TJP2: variants seen among roughly 807,000 people sequenced by gnomAD.
The protein encoded by TJP2 is tight junction protein 2, also known as Friedreich ataxia region gene X104 (tight junction protein ZO-2).
TJP2 carries 91 observed loss-of-function variants against 133.1 expected under a neutral mutation model. The ratio of observed to expected loss-of-function variants is 0.68; its 90% CI spans 0.58 to 0.81. TJP2 has a LOEUF of 0.81. Among genes scored for constraint, TJP2 ranks in the 40% least tolerant of loss-of-function variants. The probability of loss-of-function intolerance (pLI) is 0.00; values close to 1 mark genes in which losing one functional copy is unlikely to be tolerated. For missense variants in TJP2, 1,541 were observed against 1,565.6 expected (o/e 0.98, Z 0.26); for synonymous variants, 592 against 583.4 (o/e 1.01, Z -0.21).
intron 1 of TJP2, among the ~76,000 whole-genome samples, chr9:69,150,069 G>C (rs955211759): frequency 1.3e-5 from 2 of 151,952 alleles, no homozygotes; most frequent in African/African-American, 4.8e-5. Flanking sequence ...AAAACTGCTT[G>C]AACCCAGGAG....
At chr9:69,187,044 T>C (rs1210183947) in intron 1 of TJP2, among the ~76,000 whole-genome samples, 1 of 152,222 alleles carries the variant, frequency 6.6e-6, no homozygotes, top group Non-Finnish European at 1.5e-5. Context: ...CTAAGTATCA[T>C]GTTTGTGATG....
chr9:69,168,112 G>T (rs1019179080), intron 2 of TJP2, among the ~76,000 whole-genome samples: 10 of 152,182 alleles, frequency 6.6e-5, no homozygotes, highest in African/African-American at 2.4e-4. Context: ...GTGATCCACT[G>T]AATGTTTCTA....
At chr9:69,229,433 C>T (rs756825339) in intron 10 of TJP2, among the ~76,000 whole-genome samples, 183 bp downstream of exon 10, 1 of 152,180 alleles carries the variant, frequency 6.6e-6, no homozygotes, top group East Asian at 1.9e-4. Flanking sequence ...CAGCAAAATG[C>T]GGAAGTGGGT....
In TJP2 at chr9:69,166,571, C is replaced by T. The variant is rs7852495; in HGVS notation, c.-10+14800C>T. On this transcript the variant is annotated intron_variant, in intron 2 of 5. Transcript: ENST00000423935. ...CAGCCTGTGCAACATAGCAAGACCT[C>T]ATCTCTACTAAAAATAATTTTTTTT... Among the ~76,000 whole-genome samples the T allele has an allele frequency of 4.1e-3, 631 of 152,086 alleles. 7 individuals are homozygous for T. Among genetic ancestry groups the T allele is most frequent in the African/African-American group, 0.014 (593 of 41,548 alleles).
intron 17 of TJP2, among the ~76,000 whole-genome samples, chr9:69,242,583 A>T (rs1257831558): frequency 1.3e-5 from 2 of 152,250 alleles, no homozygotes. Context: ...TCTCTTATGT[A>T]GAATTGTACA....
At chr9:69,200,264 C>A (rs550592302) in intron 1 of TJP2, among the ~76,000 whole-genome samples, 3 of 152,326 alleles carry the variant, frequency 2.0e-5, no homozygotes, top group East Asian at 3.9e-4. Context: ...AGTTAGTCAT[C>A]CTTCAGCATG....
chr9:69,143,333 A>G (rs1823085237), intron 1 of TJP2, among the ~76,000 whole-genome samples: 1 of 152,180 alleles, frequency 6.6e-6, no homozygotes, highest in Admixed American at 6.5e-5. Flanking sequence ...GTTTAAGTTG[A>G]TTTTTTCTTG....
At position 69,238,749 on chromosome 9, in the gene TJP2, G is replaced by A; in HGVS notation, c.2315G>A (p.Gly772Glu). ...GATGCAGGATCTGAGAAATCCACTG[G>A]AGTGGTCCGGTTAAATACCGTGAGG... ...PKDAGSEKST[G>E]VVRLNTVRQI... Residue 772 changes from glycine to glutamate, a missense_variant, in exon 16 of 23, where the codon GGA (glycine) becomes GAA (glutamate). Coordinates refer to ENST00000377245, the MANE Select transcript of TJP2 (RefSeq NM_004817.4). 6.2e-7 allele frequency: 1 copy of A among 1,614,030 alleles called. No homozygotes were observed. Among genetic ancestry groups the A allele is most frequent in the South Asian group, 1.1e-5 (1 of 91,058 alleles).
Position 69,127,106 on chromosome 9 carries a change from A to G in TJP2, c.-131+5381A>G, listed in dbSNP as rs1372475107. Among the ~76,000 whole-genome samples, 4 of 66,394 alleles carry G rather than the reference A, an allele frequency of 6.0e-5. 2 individuals are homozygous for G. Among genetic ancestry groups the G allele is most frequent in the African/African-American group, 9.4e-5 (2 of 21,346 alleles). The allele number at this position is 66,394 out of a possible 152,430, so 43.6% of individuals were successfully genotyped here. A position where few individuals can be genotyped will look rare whatever the true frequency, so the allele number is the denominator to read the frequency against. On this transcript the variant is annotated intron_variant, in intron 1 of 5. Transcript: ENST00000423935. ...TTTTTTTGAGGCAAAGTCTCACTCT[A>G]TCGCCCAGGCTGGAGTGCAGTGGTG...
intron 1 of TJP2, among the ~76,000 whole-genome samples, chr9:69,181,963 C>T (rs1825544262): frequency 1.3e-5 from 2 of 152,162 alleles, no homozygotes; most frequent in Non-Finnish European, 2.9e-5. Context: ...CTTGAGAATC[C>T]TTCTTCCTCT....
intron 2 of TJP2, among the ~76,000 whole-genome samples, chr9:69,156,558 G>A (rs1246742938): frequency 8.4e-6 from 1 of 118,750 alleles, no homozygotes; most frequent in Non-Finnish European, 1.6e-5. Flanking sequence ...TTGAGACGGA[G>A]TCTCGTTCTG....
At chr9:69,198,670 G>A (rs1826773033) in intron 1 of TJP2, among the ~76,000 whole-genome samples, 1 of 152,218 alleles carries the variant, frequency 6.6e-6, no homozygotes, top group African/African-American at 2.4e-5. Flanking sequence ...ATTGTGAAGT[G>A]TGTGCTGTGA....
intron 17 of TJP2, among the ~76,000 whole-genome samples, chr9:69,244,044 T>C (rs2309420): frequency 0.66 from 99,416 of 151,150 alleles, 32,669 homozygotes; most frequent in Admixed American, 0.69. Flanking sequence ...ATTAGCTGGG[T>C]GTGGTGGTGG....
intron 2 of TJP2, among the ~76,000 whole-genome samples, chr9:69,165,463 A>G (rs2498435): frequency 0.93 from 141,080 of 152,156 alleles, 65,409 homozygotes; most frequent in Middle Eastern, 0.96. Flanking sequence ...GCTTGAGGAC[A>G]ACCATGGGCA....
intron 1 of TJP2, among the ~76,000 whole-genome samples, chr9:69,186,694 A>G (rs1825880546): frequency 6.6e-6 from 1 of 152,150 alleles, no homozygotes. Flanking sequence ...GTTTTAAATC[A>G]ATGTATGTAT....
At chr9:69,234,142 C>T (rs1311506949) in intron 11 of TJP2, among the ~76,000 whole-genome samples, 2 of 152,152 alleles carry the variant, frequency 1.3e-5, no homozygotes, top group Non-Finnish European at 2.9e-5. Flanking sequence ...ACAAGAAATT[C>T]TATTGTGATC....
chr9:69,129,227 A>G (rs949799105), intron 1 of TJP2, among the ~76,000 whole-genome samples: 2 of 152,250 alleles, frequency 1.3e-5, no homozygotes, highest in African/African-American at 4.8e-5. Flanking sequence ...ATATTTATTG[A>G]TTAACATCTG....
At chr9:69,145,364 G>T (rs1418724958) in intron 1 of TJP2, among the ~76,000 whole-genome samples, 2 of 152,222 alleles carry the variant, frequency 1.3e-5, no homozygotes, top group Admixed American at 1.3e-4. Flanking sequence ...TGAGCCATTA[G>T]TTCTTGAAGG....
At chr9:69,237,375 C>T (rs1344975059) in intron 14 of TJP2, among the ~76,000 whole-genome samples, 2 of 152,114 alleles carry the variant, frequency 1.3e-5, no homozygotes, top group East Asian at 1.9e-4. Flanking sequence ...TCAAGAGTTT[C>T]GGTATATTGG....
Sources: gnomAD v4.1 joint callset for allele counts (sites outside exome capture counted in the v4.1 genomes callset) on GRCh38, gnomAD v4.1.1 for gene constraint, MANE v1.5 for transcripts, NCBI Gene and HGNC (gene_info 2026-07-23, HGNC 2026-07-21) for gene names.